ATXN7L2: variants seen among roughly 807,000 people sequenced by gnomAD.
ATXN7L2 encodes the protein ataxin-7-like protein 2.
Under a neutral mutation model 59.6 loss-of-function variants are expected in ATXN7L2, and 17 were observed. The observed-to-expected ratio is 0.29, with a 90% CI of 0.20 to 0.43. The LOEUF is 0.43. Ranked by LOEUF, ATXN7L2 falls within the 20% of genes least tolerant of loss-of-function variation. The pLI, the probability that ATXN7L2 is intolerant of heterozygous loss-of-function variation, is 1.00. For missense variants in ATXN7L2, 858 were observed against 1,008.9 expected, an observed-to-expected ratio of 0.85 and a Z score of 2.03; for synonymous variants, 378 against 392.5, an observed-to-expected ratio of 0.96 and a Z score of 0.44.
rs779201934 is a variant in ATXN7L2 at position 109,491,250 on chromosome 1, G to A, written c.1783G>A (p.Val595Met). The A allele has an allele frequency of 2.5e-6, 4 of 1,614,124 alleles. No homozygotes were observed. The highest frequency in any genetic ancestry group is 1.3e-5 in the African/African-American group (1 of 74,958). Reference sequence around the variant, plus strand: ...CAAGTCATCCAAAGGCAAGGACGGGGTGGAGGTGGAGGCCCCTTCTCGAAA... The same window carrying A: ...CAAGTCATCCAAAGGCAAGGACGGGATGGAGGTGGAGGCCCCTTCTCGAAA... ...ASKSSKGKDG[V>M]EVEAPSRKRK... The change falls in exon 10 of 11, where the codon GTG becomes ATG. Residue 595 changes from valine (V) to methionine (M), a missense_variant. Around this residue, in one of 3 missense-constraint regions of ATXN7L2, gnomAD observed 734 missense variants for 862.3 expected, o/e 0.85. Coordinates refer to ENST00000683729, the MANE Select transcript of ATXN7L2 (RefSeq NM_001350175.2). This position sits in a 1 kb window ranked among gnomAD's most constrained non-coding sequence, Gnocchi z 4.1.
Position 109,490,369 on chromosome 1 carries a change from G to A in ATXN7L2, c.1431G>A (p.Arg477=). The A allele has an allele frequency of 6.2e-7, 1 of 1,613,426 alleles. No individual in the cohort carries two copies. ...CAGCACTCAGCTCCATGCTGGAACGGCACCTCAGCACACACATGTGGAAGT... is the reference window on the plus strand; with the variant it reads ...CAGCACTCAGCTCCATGCTGGAACGACACCTCAGCACACACATGTGGAAGT... ...FCSALSSMLE[R]HLSTHMWKKI... Residue 477 remains arginine (R), a synonymous_variant, in exon 9 of 11, where the codon CGG becomes CGA. Transcript: ENST00000683729.
Position 109,488,993 on chromosome 1 carries a change from C to T in ATXN7L2, c.1026C>T (p.Pro342=), listed in dbSNP as rs1258726173. The change falls in exon 7 of 11, where the codon CCC becomes CCT. Residue 342 remains proline (P), a synonymous_variant. Coordinates refer to ENST00000683729, the MANE Select transcript of ATXN7L2 (RefSeq NM_001350175.2). The surrounding 1 kb of genome is among the most constrained non-coding windows in gnomAD (Gnocchi z 5.0). ...GCAAGGAGCAAGTTCTCGAGCGCCC[C>T]TCCCAGGAGCTCCCCTCCTCAGTCC... ...PGRKEQVLER[P]SQELPSSVQV... The T allele has an allele frequency of 3.1e-6, 5 of 1,614,178 alleles. No homozygotes were observed. In the African/African-American group the frequency reaches 5.3e-5, roughly 17 times the overall value.
Position 109,486,404 on chromosome 1 carries a change from G to A in ATXN7L2, c.194-102G>A. On this transcript the variant is annotated intron_variant, in intron 2 of 10. Coordinates refer to ENST00000683729, the MANE Select transcript of ATXN7L2 (RefSeq NM_001350175.2). This position sits in a 1 kb window ranked among gnomAD's most constrained non-coding sequence, Gnocchi z 4.3. ...AGCATGGAGCTTGTTATATCAGCGG[G>A]GAGGTGAAGTGCCTTCTGAGTGTGG... is the stretch of plus-strand genomic sequence containing the variant. The A allele has an allele frequency of 9.6e-7, 1 of 1,040,490 alleles. No homozygotes were observed. The highest frequency in any genetic ancestry group is 1.4e-6 in the Non-Finnish European group (1 of 705,158). 64.5% of individuals were successfully genotyped at this position (1,040,490 alleles called of 1,614,324 possible). A position where few individuals can be genotyped will look rare whatever the true frequency, so the allele number is the denominator to read the frequency against.
intron 10 of ATXN7L2, chr1:109,492,023 C>G: frequency 8.6e-7 from 1 of 1,166,130 alleles, no homozygotes; most frequent in Non-Finnish European, 1.1e-6. Context: ...GACCCTCATT[C>G]CAGGTACTGG....
chr1:109,486,720 G>A lies in ATXN7L2; in HGVS notation c.298+110G>A. On this transcript the variant is annotated intron_variant, in intron 3 of 10. Coordinates refer to ENST00000683729, the MANE Select transcript of ATXN7L2 (RefSeq NM_001350175.2). This position sits in a 1 kb window ranked among gnomAD's most constrained non-coding sequence, Gnocchi z 4.3. The stretch of plus-strand genomic sequence containing the variant: ...GTAGGGTAATGGAGGGTGGTGTTGA[G>A]GATAGGAAGGTTGTGGGGGTGGCTT... The A allele has an allele frequency of 2.1e-6, 2 of 961,794 alleles. No homozygotes were observed. Among genetic ancestry groups the A allele is most frequent in the Non-Finnish European group, 3.1e-6 (2 of 639,984 alleles). The allele number at this position is 961,794 out of a possible 1,614,324, so 59.6% of individuals were successfully genotyped here.
At position 109,491,550 on chromosome 1, in the gene ATXN7L2, C is replaced by T. The variant is rs747652981; in HGVS notation, c.2083C>T (p.Leu695Phe). 1.9e-6 allele frequency: 3 copies of T among 1,614,010 alleles called. No individual in the cohort carries two copies. The highest frequency in any genetic ancestry group is 2.2e-5 in the South Asian group (2 of 91,090). The change falls in exon 10 of 11, where the codon CTC becomes TTC. Residue 695 changes from leucine (L) to phenylalanine (F), a missense_variant. This residue lies in a region of ATXN7L2 where 734 missense variants were observed against 862.3 expected (regional missense o/e 0.85). Transcript: ENST00000683729. This position sits in a 1 kb window ranked among gnomAD's most constrained non-coding sequence, Gnocchi z 4.1. ...HPAKALPTNC[L>F]SEEEVAKKRK... The stretch of plus-strand genomic sequence containing the variant: ...AGCCAAGGCCCTGCCAACCAACTGC[C>T]TCTCTGAGGAGGAGGTGGCCAAGAA...
In ATXN7L2 at chr1:109,486,184, C is replaced by T. The variant is rs188586934; in HGVS notation, c.193+62C>T. Reference sequence around the variant, plus strand: ...CAGACAGGACCACGCTCCACTTTTCCACCACACTACAGAAGGAGGTGGCTG... The same window carrying T: ...CAGACAGGACCACGCTCCACTTTTCTACCACACTACAGAAGGAGGTGGCTG... On this transcript the variant is annotated intron_variant, in intron 2 of 10. Coordinates refer to ENST00000683729, the MANE Select transcript of ATXN7L2 (RefSeq NM_001350175.2). The surrounding 1 kb of genome is among the most constrained non-coding windows in gnomAD (Gnocchi z 4.3). The T allele has an allele frequency of 1.9e-5, 29 of 1,501,196 alleles. No individual in the cohort carries two copies. In the African/African-American group the frequency reaches 3.4e-4, roughly 17 times the overall value. The allele number at this position is 1,501,196 out of a possible 1,614,324, so 93.0% of individuals were successfully genotyped here.
chr1:109,491,515 C>T lies in ATXN7L2; in HGVS notation c.2048C>T (p.Ala683Val). Residue 683 changes from alanine (A) to valine (V), a missense_variant, in exon 10 of 11, where the codon GCT becomes GTT. Ala to Val is a moderately conservative substitution (Grantham distance 64). This residue lies in a region of ATXN7L2 where 734 missense variants were observed against 862.3 expected (regional missense o/e 0.85). Transcript: ENST00000683729. The surrounding 1 kb of genome is among the most constrained non-coding windows in gnomAD (Gnocchi z 4.1). ...KASQLENRGA[A>V]GHPAKALPTN... is the part of the protein sequence containing the mutation. ...TCTCAGCTGGAGAACCGGGGAGCAG[C>T]TGGACACCCAGCCAAGGCCCTGCCA... 6.2e-7 allele frequency: 1 copy of T among 1,613,976 alleles called. No homozygotes were observed. Among genetic ancestry groups the T allele is most frequent in the Non-Finnish European group, 8.5e-7 (1 of 1,180,028 alleles).
chr1:109,489,972 C>G lies in ATXN7L2; in HGVS notation c.1176C>G (p.Pro392=). 6.2e-7 allele frequency: 1 copy of G among 1,613,832 alleles called. No homozygotes were observed. Among genetic ancestry groups the G allele is most frequent in the Non-Finnish European group, 8.5e-7 (1 of 1,179,976 alleles). Residue 392 remains proline, a synonymous_variant, in exon 8 of 11, where the codon CCC becomes CCG. Coordinates refer to ENST00000683729, the MANE Select transcript of ATXN7L2 (RefSeq NM_001350175.2). ...AGAGTGAATTGGATGATGAAGGCCCCTGTGGTGGTGATGGGGACCCAGGCC... is the reference window on the plus strand; with the variant it reads ...AGAGTGAATTGGATGATGAAGGCCCGTGTGGTGGTGATGGGGACCCAGGCC... The part of the protein sequence containing the change: ...SSESELDDEG[P]CGGDGDPGLF...
At chr1:109,485,865 C>G in intron 1 of ATXN7L2, 192 bp from the exon 2 acceptor site, 2 of 1,235,306 alleles carry the variant, frequency 1.6e-6, no homozygotes, top group Non-Finnish European at 2.0e-6. Flanking sequence ...GAAAGGTTCC[C>G]CAAGTGGTCC....
At chr1:109,489,830 GC>G in intron 7 of ATXN7L2, 99 bp from the exon 8 acceptor site, 1 of 1,285,900 alleles carries the variant, frequency 7.8e-7, no homozygotes, top group African/African-American at 1.5e-5. Context: ...CAGGGTGTCT[GC>G]CCTGGTGCCC....
rs370525139 is a variant in ATXN7L2 at position 109,487,134 on chromosome 1, G to A, written c.426G>A (p.Thr142=). The part of the protein sequence containing the change: ...QGPACRAPGS[T]KTSSREKGQG... ...CAGCTTGTAGGGCCCCAGGTTCCAC[G>A]AAAACCTCCTCCAGGGAGAAGGGCC... Residue 142 remains threonine (T), a synonymous_variant, in exon 4 of 11, where the codon ACG becomes ACA. Transcript: ENST00000683729. 7 of 1,609,526 alleles carry A rather than the reference G, an allele frequency of 4.3e-6. No individual in the cohort carries two copies. Among genetic ancestry groups the A allele is most frequent in the African/African-American group, 4.0e-5 (3 of 74,742 alleles).
chr1:109,485,615 A>G (rs1486252900), intron 1 of ATXN7L2: 2 of 986,252 alleles, frequency 2.0e-6, no homozygotes, highest in East Asian at 2.3e-4. Flanking sequence ...AAATCTCAAG[A>G]AGAGACTCAG....
chr1:109,490,760 C>T (rs921304069), intron 9 of ATXN7L2, among the ~76,000 whole-genome samples, 162 bp from the exon 10 acceptor site: 1 of 152,146 alleles, frequency 6.6e-6, no homozygotes, highest in Non-Finnish European at 1.5e-5. Context: ...ACCCCTGTGT[C>T]TTCTTCCTAA....
At position 109,490,199 on chromosome 1, in the gene ATXN7L2, C is replaced by T. The variant is rs1656934445; in HGVS notation, c.1332+71C>T. ...CCTGGCCAACAACATGGGGAGGAGGCCAGATCCTGTGTGCAGATGCTGTCT... is the reference window on the plus strand; with the variant it reads ...CCTGGCCAACAACATGGGGAGGAGGTCAGATCCTGTGTGCAGATGCTGTCT... On this transcript the variant is annotated intron_variant, in intron 8 of 10. Coordinates refer to ENST00000683729, the MANE Select transcript of ATXN7L2 (RefSeq NM_001350175.2). 3 of 1,585,750 alleles carry T rather than the reference C, an allele frequency of 1.9e-6. No homozygotes were observed. In the South Asian group the frequency reaches 3.5e-5, roughly 18 times the overall value.
intron 1 of ATXN7L2, 162 bp from the exon 2 acceptor site, chr1:109,485,895 C>T (rs1024046333): frequency 3.1e-5 from 39 of 1,268,964 alleles, no homozygotes; most frequent in Non-Finnish European, 3.7e-5. Flanking sequence ...GAGCTTGTCA[C>T]GGAGTGTGGG....
chr1:109,486,232 C>G lies in ATXN7L2; in HGVS notation c.193+110C>G, dbSNP rs1171838129. 6.9e-7 allele frequency: 1 copy of G among 1,454,288 alleles called. No individual in the cohort carries two copies. The highest frequency in any genetic ancestry group is 1.4e-5 in the African/African-American group (1 of 70,236). The allele number at this position is 1,454,288 out of a possible 1,614,324, so 90.1% of individuals were successfully genotyped here. A position where few individuals can be genotyped will look rare whatever the true frequency, so the allele number is the denominator to read the frequency against. On this transcript the variant is annotated intron_variant, in intron 2 of 10. Transcript: ENST00000683729. The surrounding 1 kb of genome is among the most constrained non-coding windows in gnomAD (Gnocchi z 4.3). Reference sequence around the variant, plus strand: ...CTGCTTGAAGCAGCTGTCTGGGGACCCTCATTTTGATAGGTCCGAGTCGGC... The same window carrying G: ...CTGCTTGAAGCAGCTGTCTGGGGACGCTCATTTTGATAGGTCCGAGTCGGC...
At chr1:109,492,205 G>GTGGGCACA in intron 10 of ATXN7L2, 1 of 794,880 alleles carries the variant, frequency 1.3e-6, no homozygotes, top group Non-Finnish European at 1.6e-6. Flanking sequence ...CCACCTCCAG[G>GTGGGCACA]TGTGCAGGTG....
At chr1:109,489,558 C>T (rs903070128) in intron 7 of ATXN7L2, 12 of 352,120 alleles carry the variant, frequency 3.4e-5, no homozygotes, top group African/African-American at 2.5e-4. Context: ...GCTCAGCTCA[C>T]AGACAGGCTC....
Sources: gnomAD v4.1 joint callset for allele counts (sites outside exome capture counted in the v4.1 genomes callset) on GRCh38, gnomAD v4.1.1 for gene constraint, gnomAD v4.1.1 regional missense constraint, Gnocchi (gnomAD v3.1) non-coding constraint, MANE v1.5 for transcripts, NCBI Gene and HGNC (gene_info 2026-07-23, HGNC 2026-07-21) for gene names.